The following PTGIS variants were observed in gnomAD, a reference collection of about 807,000 sequenced individuals.
PTGIS encodes the protein prostacyclin synthase.
A neutral mutation model predicts 50.3 loss-of-function variants in PTGIS; 45 were observed. The ratio of observed to expected loss-of-function variants is 0.90; its 90% CI spans 0.70 to 1.15. PTGIS has a LOEUF of 1.15. Ranked by LOEUF, PTGIS falls within the 50% of genes most tolerant of loss-of-function variation. The pLI, the probability that PTGIS is intolerant of heterozygous loss-of-function variation, is 0.00. For synonymous variants in PTGIS, 260 were observed against 267.7 expected (o/e 0.97, Z 0.28); for missense variants, 668 against 661.3 (o/e 1.01, Z -0.11).
chr20:49,535,770 C>T (rs955531354), intron 5 of PTGIS, among the ~76,000 whole-genome samples: 1 of 152,222 alleles, frequency 6.6e-6, no homozygotes, highest in Non-Finnish European at 1.5e-5. Flanking sequence ...CCTGTCTCAG[C>T]CTCCCAAAGT....
intron 1 of PTGIS, among the ~76,000 whole-genome samples, chr20:49,565,133 G>C (rs1342465317): frequency 1.7e-5 from 2 of 118,104 alleles, no homozygotes; most frequent in Non-Finnish European, 3.4e-5. Context: ...ACCACGCCCG[G>C]CTAATTTTTT....
At chr20:49,555,439 G>T (rs985907035) in intron 1 of PTGIS, among the ~76,000 whole-genome samples, 11 of 152,088 alleles carry the variant, frequency 7.2e-5, no homozygotes. Flanking sequence ...AGTCAATTCA[G>T]TCCTTTTGAC....
intron 5 of PTGIS, among the ~76,000 whole-genome samples, chr20:49,533,184 C>G (rs1981979516): frequency 2.0e-5 from 3 of 152,162 alleles, no homozygotes; most frequent in Admixed American, 1.3e-4. Flanking sequence ...CCTCTAGGCC[C>G]TCTAGATTTG....
chr20:49,539,559 A>C lies in PTGIS; in HGVS notation c.673+11T>G. On this transcript the variant is annotated intron_variant, in intron 5 of 9. Coordinates refer to ENST00000244043, the MANE Select transcript of PTGIS (RefSeq NM_000961.4). The stretch of plus-strand genomic sequence containing the variant: ...CTCCCCCCCACCCACTGGGGCCCCC[A>C]TGGTGCTTACCCACTGACAGGGAGC... 6.2e-7 allele frequency: 1 copy of C among 1,612,776 alleles called. No individual in the cohort carries two copies. Among genetic ancestry groups the C allele is most frequent in the African/African-American group, 1.3e-5 (1 of 74,996 alleles).
At chr20:49,536,795 C>T (rs903759447) in intron 5 of PTGIS, among the ~76,000 whole-genome samples, 4 of 152,078 alleles carry the variant, frequency 2.6e-5, no homozygotes, top group African/African-American at 9.7e-5. Flanking sequence ...AGTGCTTTTT[C>T]TTGTTACCTC....
intron 1 of PTGIS, among the ~76,000 whole-genome samples, chr20:49,560,825 G>A (rs1982753656): frequency 6.6e-6 from 1 of 152,228 alleles, no homozygotes; most frequent in Non-Finnish European, 1.5e-5. Context: ...TGCTGGAGAT[G>A]ACTTTGTGGA....
At chr20:49,549,984 A>G (rs894994007) in intron 2 of PTGIS, 82 bp downstream of exon 2, 1 of 1,603,364 alleles carries the variant, frequency 6.2e-7, no homozygotes, top group Middle Eastern at 1.7e-4. Flanking sequence ...GCATAGGGAC[A>G]TATGTTGAAG....
At position 49,507,578 on chromosome 20, in the gene PTGIS, G is replaced by A. The variant is rs1224172558; in HGVS notation, c.*342C>T. The A allele has an allele frequency of 2.1e-5, 8 of 390,046 alleles. No homozygotes were observed. The highest frequency in any genetic ancestry group is 6.5e-5 in the South Asian group (3 of 46,198). 24.2% of individuals were successfully genotyped at this position (390,046 alleles called of 1,614,324 possible). On this transcript the variant is annotated 3_prime_UTR_variant, in exon 10 of 10. Coordinates refer to ENST00000244043, the MANE Select transcript of PTGIS (RefSeq NM_000961.4). ...TAAGAACTAGGAAGGTGACACCTCC[G>A]GGAGTTGGGGGCAGAGCAGTGAAGA... is the stretch of plus-strand genomic sequence containing the variant.
At position 49,539,724 on chromosome 20, in the gene PTGIS, G is replaced by C; in HGVS notation, c.522-3C>G. 6.2e-7 allele frequency: 1 copy of C among 1,609,840 alleles called. No homozygotes were observed. Among genetic ancestry groups the C allele is most frequent in the South Asian group, 1.1e-5 (1 of 90,730 alleles). On this transcript the variant is annotated splice_polypyrimidine_tract_variant and splice_region_variant and intron_variant, in intron 4 of 9. Coordinates refer to ENST00000244043, the MANE Select transcript of PTGIS (RefSeq NM_000961.4). ...CGTAAAGAGTCAGGTAGCCGGCTCT[G>C]GGGGCGGCAGACAGAGGGTCAGGGG...
chr20:49,551,808 G>A (rs890517220), intron 1 of PTGIS, among the ~76,000 whole-genome samples: 1 of 71,204 alleles, frequency 1.4e-5, no homozygotes, highest in Non-Finnish European at 2.4e-5. Flanking sequence ...GTATGTGTTT[G>A]TGTGTGTGTG....
chr20:49,525,596 T>C (rs6090998), intron 5 of PTGIS, among the ~76,000 whole-genome samples: 9 of 151,154 alleles, frequency 6.0e-5, no homozygotes, highest in Non-Finnish European at 1.0e-4. Flanking sequence ...TTTTTTTTTT[T>C]AAAATATTTT....
At chr20:49,539,451 T>C (rs1982165278) in intron 5 of PTGIS, 119 bp downstream of exon 5, 2 of 1,218,062 alleles carry the variant, frequency 1.6e-6, no homozygotes, top group Non-Finnish European at 2.3e-6. Context: ...TCTTACTGCC[T>C]CCCTGGGCAT....
At chr20:49,555,970 A>G (rs1982615345) in intron 1 of PTGIS, among the ~76,000 whole-genome samples, 1 of 152,236 alleles carries the variant, frequency 6.6e-6, no homozygotes, top group African/African-American at 2.4e-5. Context: ...AACAGGAGTT[A>G]ATTGCATGAA....
Position 49,556,236 on chromosome 20 carries a change from G to A in PTGIS, c.75-6047C>T, listed in dbSNP as rs201256906. 2.6e-4 allele frequency among the ~76,000 whole-genome samples: 40 copies of A among 152,232 alleles called. No homozygotes were observed. The East Asian group carries it at 7.5e-3, about 29-fold the overall frequency. The stretch of plus-strand genomic sequence containing the variant: ...TATGGCAATGTAGTTATTTGCCTAA[G>A]TATCTTTTTTCTTTTATAACAGGGC... On this transcript the variant is annotated intron_variant, in intron 1 of 9. Transcript: ENST00000244043.
intron 9 of PTGIS, among the ~76,000 whole-genome samples, chr20:49,510,098 A>G (rs1182304658): frequency 6.6e-6 from 1 of 151,804 alleles, no homozygotes; most frequent in Non-Finnish European, 1.5e-5. Context: ...CATGTTGGCT[A>G]GGCTGGTCTC....
chr20:49,517,143 G>T (rs528627121), intron 6 of PTGIS, among the ~76,000 whole-genome samples: 5 of 152,148 alleles, frequency 3.3e-5, no homozygotes, highest in African/African-American at 1.2e-4. Flanking sequence ...AAAACAAGTC[G>T]GGGGGGCCTC....
At chr20:49,512,487 A>G (rs774357144) in intron 8 of PTGIS, among the ~76,000 whole-genome samples, 1 of 152,174 alleles carries the variant, frequency 6.6e-6, no homozygotes, top group Non-Finnish European at 1.5e-5. Flanking sequence ...ATGGATGAAT[A>G]CATGAATAGA....
At chr20:49,560,405 T>C (rs1601205852) in intron 1 of PTGIS, among the ~76,000 whole-genome samples, 1 of 151,360 alleles carries the variant, frequency 6.6e-6, no homozygotes, top group East Asian at 2.0e-4. Context: ...AGGGTCTTGA[T>C]GTGTTGCCTA....
At chr20:49,555,353 C>T (rs1982602425) in intron 1 of PTGIS, among the ~76,000 whole-genome samples, 1 of 152,062 alleles carries the variant, frequency 6.6e-6, no homozygotes, top group Non-Finnish European at 1.5e-5. Flanking sequence ...ACTTATTTTA[C>T]AATAACCTGT....
Sources: gnomAD v4.1 joint callset for allele counts (sites outside exome capture counted in the v4.1 genomes callset) on GRCh38, gnomAD v4.1.1 for gene constraint, MANE v1.5 for transcripts, NCBI Gene and HGNC (gene_info 2026-07-23, HGNC 2026-07-21) for gene names.